The following NALF1 variants were observed in gnomAD, a reference collection of about 807,000 sequenced individuals.
The protein encoded by NALF1 is family with sequence similarity 155 member A.
NALF1 carries 3 observed loss-of-function variants against 48.4 expected under a neutral mutation model. The observed-to-expected ratio is 0.06, with a 90% CI of 0.03 to 0.16. The LOEUF (loss-of-function observed/expected upper bound fraction) is 0.16. NALF1 is among the 10% of genes least tolerant of loss of function. The pLI is 1.00. For synonymous variants in NALF1, 262 were observed against 245.7 expected (o/e 1.07, Z -0.62); for missense variants, 526 against 571.5 (o/e 0.92, Z 0.81).
intron 1 of NALF1, among the ~76,000 whole-genome samples, chr13:107,265,131 T>C (rs967485355): frequency 6.6e-6 from 1 of 152,240 alleles, no homozygotes; most frequent in African/African-American, 2.4e-5. Context: ...TTCTGGCTAT[T>C]TGATTATTAC....
intron 1 of NALF1, among the ~76,000 whole-genome samples, chr13:107,680,873 G>GGT (rs34317926): frequency 0.51 from 75,891 of 147,838 alleles, 20,684 homozygotes; most frequent in Middle Eastern, 0.65. Flanking sequence ...CAAATGTAAG[G>GGT]GTGTGTGTGT....
intron 1 of NALF1, among the ~76,000 whole-genome samples, chr13:107,818,752 G>C (rs1399236691): frequency 7.0e-6 from 1 of 143,642 alleles, no homozygotes; most frequent in Non-Finnish European, 1.5e-5. Context: ...GGCGCCTGTA[G>C]TCCCAGCTAC....
chr13:107,454,186 C>G (rs1480186850), intron 1 of NALF1, among the ~76,000 whole-genome samples: 1 of 152,186 alleles, frequency 6.6e-6, no homozygotes, highest in Admixed American at 6.5e-5. Flanking sequence ...TCCAAAGTCA[C>G]TTCCACATTT....
chr13:107,784,988 G>A (rs1380871774), intron 1 of NALF1, among the ~76,000 whole-genome samples: 1 of 151,870 alleles, frequency 6.6e-6, no homozygotes, highest in African/African-American at 2.4e-5. Flanking sequence ...TTGCAAAATC[G>A]CGGAACCAAC....
At chr13:107,835,455 G>C (rs993551476) in intron 1 of NALF1, 1 of 152,168 alleles carries the variant, frequency 6.6e-6, no homozygotes, top group South Asian at 2.1e-4. Context: ...AAAGCAGGAG[G>C]AATAAACCTC....
intron 1 of NALF1, among the ~76,000 whole-genome samples, chr13:107,663,087 T>C (rs767952664): frequency 6.6e-6 from 1 of 152,204 alleles, no homozygotes; most frequent in Non-Finnish European, 1.5e-5. Context: ...TTTGGTTGAG[T>C]AATTTCTTTT....
intron 1 of NALF1, among the ~76,000 whole-genome samples, chr13:107,219,488 G>A (rs1239897382): frequency 6.6e-6 from 1 of 152,192 alleles, no homozygotes; most frequent in Non-Finnish European, 1.5e-5. Flanking sequence ...ATGGAATTGA[G>A]TCTTAAATAA....
intron 1 of NALF1, among the ~76,000 whole-genome samples, chr13:107,548,765 C>T (rs1594122907): frequency 6.6e-6 from 1 of 152,050 alleles, no homozygotes; most frequent in African/African-American, 2.4e-5. Flanking sequence ...TCTTGACTAT[C>T]TACTTGTAGC....
At position 107,715,390 on chromosome 13, in the gene NALF1, CG is replaced by C. The variant is rs1193289957; in HGVS notation, c.915+150291del. Among the ~76,000 whole-genome samples, 8 of 152,044 alleles carry C rather than the reference CG, an allele frequency of 5.3e-5. 1 individual carries two copies. The East Asian group carries it at 1.6e-3, about 30-fold the overall frequency. On this transcript the variant is annotated intron_variant, in intron 1 of 2. Transcript: ENST00000375915. ...GCTAATTTTGTATTTTTAGTAGAGACGGGGTTTCTCCATGTTGATCAGGCTG... is the reference window on the plus strand; with the variant it reads ...GCTAATTTTGTATTTTTAGTAGAGACGGGTTTCTCCATGTTGATCAGGCTG...
At chr13:107,237,948 T>G (rs773639655) in intron 1 of NALF1, among the ~76,000 whole-genome samples, 8 of 152,170 alleles carry the variant, frequency 5.3e-5, no homozygotes, top group Non-Finnish European at 8.8e-5. Context: ...CCTGGAGCCA[T>G]TAACATACAC....
At chr13:107,719,383 G>T (rs1455143479) in intron 1 of NALF1, among the ~76,000 whole-genome samples, 6 of 152,070 alleles carry the variant, frequency 3.9e-5, no homozygotes, top group Admixed American at 6.6e-5. Flanking sequence ...TCTCTCTAAA[G>T]TCTCCTGTTT....
At chr13:107,820,355 T>C (rs982143865) in intron 1 of NALF1, among the ~76,000 whole-genome samples, 2 of 152,174 alleles carry the variant, frequency 1.3e-5, no homozygotes, top group African/African-American at 4.8e-5. Context: ...AGCATGACTA[T>C]CTCCAATTGC....
rs1385795215 is a variant in NALF1 at position 107,169,951 on chromosome 13, T to TTA, written c.*545_*546insTA. 2.1e-5 allele frequency: 2 copies of TTA among 94,282 alleles called. No individual in the cohort carries two copies. Among genetic ancestry groups the TTA allele is most frequent in the African/African-American group, 9.3e-5 (2 of 21,430 alleles). 5.8% of individuals were successfully genotyped at this position (94,282 alleles called of 1,614,324 possible). A position where few individuals can be genotyped will look rare whatever the true frequency, so the allele number is the denominator to read the frequency against. On this transcript the variant is annotated 3_prime_UTR_variant, in exon 3 of 3. Coordinates refer to ENST00000375915, the MANE Select transcript of NALF1 (RefSeq NM_001080396.3). ...AGAAGGGAGACTTAGGGATTTTTTT[T>TTA]ATTTTTATTTTTTTGTTGTTTTCTT...
intron 1 of NALF1, among the ~76,000 whole-genome samples, chr13:107,228,062 G>A (rs1880141563): frequency 6.6e-6 from 1 of 152,170 alleles, no homozygotes; most frequent in Admixed American, 6.5e-5. Flanking sequence ...TATATTGCAA[G>A]GAGTGGTGCC....
At chr13:107,474,791 T>C (rs888637439) in intron 1 of NALF1, among the ~76,000 whole-genome samples, 1 of 152,070 alleles carries the variant, frequency 6.6e-6, no homozygotes, top group African/African-American at 2.4e-5. Context: ...AAGGTAGACA[T>C]TTTTGAAATG....
intron 1 of NALF1, among the ~76,000 whole-genome samples, chr13:107,288,219 C>CTTTTTTTT (rs375800659): frequency 8.0e-6 from 1 of 125,150 alleles, no homozygotes; most frequent in Non-Finnish European, 1.7e-5. Flanking sequence ...GATCTGAAGA[C>CTTTTTTTT]TTTTTTTTTT....
At chr13:107,544,961 A>C (rs934044948) in intron 1 of NALF1, among the ~76,000 whole-genome samples, 5 of 152,146 alleles carry the variant, frequency 3.3e-5, no homozygotes. Context: ...ACAAAAATAA[A>C]CATACAGTGA....
intron 1 of NALF1, among the ~76,000 whole-genome samples, chr13:107,742,384 T>C (rs544124699): frequency 1.3e-5 from 2 of 152,304 alleles, no homozygotes; most frequent in East Asian, 3.9e-4. Flanking sequence ...ATAATCCCCA[T>C]GTGTCCTGGG....
chr13:107,356,493 G>A (rs1882966004), intron 1 of NALF1, among the ~76,000 whole-genome samples: 1 of 152,116 alleles, frequency 6.6e-6, no homozygotes, highest in African/African-American at 2.4e-5. Flanking sequence ...CAAAATGACA[G>A]TTTGGATAGT....
Sources: allele counts gnomAD v4.1 joint callset (sites outside exome capture counted in the v4.1 genomes callset), GRCh38; gene constraint gnomAD v4.1.1; transcripts MANE v1.5; gene names NCBI Gene and HGNC (gene_info 2026-07-23, HGNC 2026-07-21).